The following THSD7B variants were observed in gnomAD, a reference collection of about 807,000 sequenced individuals.
THSD7B encodes thrombospondin type-1 domain-containing protein 7B.
A neutral mutation model predicts 213.6 loss-of-function variants in THSD7B; 138 were observed. The observed-to-expected ratio is 0.65, with a 90% CI of 0.56 to 0.74. THSD7B has a LOEUF of 0.74. Among genes scored for constraint, THSD7B ranks in the 30% least tolerant of loss-of-function variants. The pLI, the probability that THSD7B is intolerant of heterozygous loss-of-function variation, is 0.00. For synonymous variants in THSD7B, 742 were observed against 687.0 expected (o/e 1.08, Z -1.25); for missense variants, 1,931 against 1,991.5 (o/e 0.97, Z 0.58).
chr2:136,858,044 T>G (rs1056652543), intron 1 of THSD7B, among the ~76,000 whole-genome samples: 5 of 152,204 alleles, frequency 3.3e-5, no homozygotes, highest in Non-Finnish European at 7.3e-5. Context: ...TTCCTAAGCC[T>G]AGTAACCAAA....
chr2:137,121,200 A>G (rs1308061007), intron 5 of THSD7B, among the ~76,000 whole-genome samples: 1 of 152,198 alleles, frequency 6.6e-6, no homozygotes, highest in Non-Finnish European at 1.5e-5. Context: ...TCTTGTTATT[A>G]AAAATTTCCT....
intron 1 of THSD7B, among the ~76,000 whole-genome samples, chr2:136,863,021 A>G (rs548593806): frequency 1.3e-5 from 2 of 152,290 alleles, no homozygotes; most frequent in Admixed American, 1.3e-4. Context: ...TTAGTTCACA[A>G]TATTCCCTTG....
At chr2:137,337,374 T>G (rs1052240307) in intron 12 of THSD7B, among the ~76,000 whole-genome samples, 2 of 152,138 alleles carry the variant, frequency 1.3e-5, no homozygotes, top group African/African-American at 4.8e-5. Flanking sequence ...CGTTTCTCAG[T>G]TGGAGTTTGT....
intron 2 of THSD7B, among the ~76,000 whole-genome samples, chr2:137,015,586 A>G (rs1269345776): frequency 1.3e-5 from 2 of 152,102 alleles, no homozygotes; most frequent in Non-Finnish European, 2.9e-5. Context: ...TTCCATTTGA[A>G]TTTCATTCTC....
intron 2 of THSD7B, among the ~76,000 whole-genome samples, chr2:137,045,603 A>G (rs1395957034): frequency 1.3e-5 from 2 of 152,244 alleles, no homozygotes; most frequent in Non-Finnish European, 2.9e-5. Flanking sequence ...AATAGGAACT[A>G]CTGTAGTAAG....
intron 1 of THSD7B, among the ~76,000 whole-genome samples, chr2:136,838,779 G>A (rs1205266495): frequency 6.6e-6 from 1 of 152,086 alleles, no homozygotes; most frequent in Non-Finnish European, 1.5e-5. Context: ...GTTCAGACCT[G>A]ATTTGCATGT....
intron 3 of THSD7B, among the ~76,000 whole-genome samples, chr2:137,089,432 G>GTA (rs895045907): frequency 6.6e-6 from 1 of 150,490 alleles, no homozygotes; most frequent in Non-Finnish European, 1.5e-5. Flanking sequence ...GTATATATGT[G>GTA]TATATATATG....
chr2:137,191,829 T>C (rs1486647107), intron 7 of THSD7B, among the ~76,000 whole-genome samples: 2 of 152,158 alleles, frequency 1.3e-5, no homozygotes, highest in Admixed American at 1.3e-4. Flanking sequence ...GACCTGTCAC[T>C]TTGGTGTGAG....
intron 17 of THSD7B, among the ~76,000 whole-genome samples, chr2:137,595,843 AG>A (rs1472491494): frequency 6.6e-6 from 1 of 151,948 alleles, no homozygotes; most frequent in Non-Finnish European, 1.5e-5. Flanking sequence ...CTTCAAGTGA[AG>A]GTTATAACTA....
At chr2:137,085,301 C>G (rs1303794474) in intron 3 of THSD7B, among the ~76,000 whole-genome samples, 1 of 152,074 alleles carries the variant, frequency 6.6e-6, no homozygotes, top group Admixed American at 6.6e-5. Flanking sequence ...ACATTCTAAT[C>G]CCTAATAGCA....
chr2:137,527,992 A>G (rs1399064262), intron 15 of THSD7B, among the ~76,000 whole-genome samples: 2 of 152,148 alleles, frequency 1.3e-5, no homozygotes, highest in Non-Finnish European at 2.9e-5. Flanking sequence ...GTAAGAATCA[A>G]TAAATTCCCC....
chr2:137,132,388 G>C (rs1370891176), intron 5 of THSD7B, among the ~76,000 whole-genome samples: 1 of 151,338 alleles, frequency 6.6e-6, no homozygotes, highest in African/African-American at 2.4e-5. Flanking sequence ...TTTTAAAGAA[G>C]CTATGTAAAG....
At chr2:137,281,338 G>A (rs1417504041) in intron 12 of THSD7B, among the ~76,000 whole-genome samples, 9 of 151,610 alleles carry the variant, frequency 5.9e-5, no homozygotes, top group Non-Finnish European at 1.3e-4. Flanking sequence ...AATTAGTTGT[G>A]GATTACCTTT....
At chr2:136,773,696 A>G (rs1573631941) in intron 1 of THSD7B, among the ~76,000 whole-genome samples, 1 of 149,306 alleles carries the variant, frequency 6.7e-6, no homozygotes, top group East Asian at 2.1e-4. Flanking sequence ...CATATTGAAC[A>G]TGCCTAGAAT....
chr2:137,606,376 A>T (rs1171833900), intron 17 of THSD7B, among the ~76,000 whole-genome samples: 1 of 152,166 alleles, frequency 6.6e-6, no homozygotes, highest in Non-Finnish European at 1.5e-5. Context: ...TTCTAAGAGC[A>T]GATCAAGTGA....
intron 21 of THSD7B, among the ~76,000 whole-genome samples, chr2:137,643,539 C>G (rs1417486037): frequency 6.6e-6 from 1 of 152,178 alleles, no homozygotes; most frequent in Non-Finnish European, 1.5e-5. Flanking sequence ...GATAACCATG[C>G]TAATTAACCA....
chr2:136,887,789 A>G (rs1004707272), intron 2 of THSD7B, among the ~76,000 whole-genome samples: 8 of 152,290 alleles, frequency 5.3e-5, no homozygotes, highest in Admixed American at 3.9e-4. Flanking sequence ...TAATACAAGT[A>G]TAATACTAAC....
At chr2:137,236,986 C>T (rs921642855) in intron 9 of THSD7B, among the ~76,000 whole-genome samples, 2 of 152,024 alleles carry the variant, frequency 1.3e-5, no homozygotes, top group African/African-American at 4.8e-5. Flanking sequence ...TGGCAGGCAC[C>T]TGTAATCCCA....
intron 17 of THSD7B, among the ~76,000 whole-genome samples, chr2:137,610,886 T>C (rs1315285443): frequency 6.6e-6 from 1 of 151,748 alleles, no homozygotes; most frequent in Non-Finnish European, 1.5e-5. Context: ...TTTCATCTTA[T>C]AGAGAAATAT....
Sources: gnomAD v4.1 joint callset for allele counts (sites outside exome capture counted in the v4.1 genomes callset) on GRCh38, gnomAD v4.1.1 for gene constraint, MANE v1.5 for transcripts, NCBI Gene and HGNC (gene_info 2026-07-23, HGNC 2026-07-21) for gene names.